PLEKHO2: variants seen among roughly 807,000 people sequenced by gnomAD.
PLEKHO2 encodes the protein pleckstrin homology domain containing O2.
In PLEKHO2, 20 loss-of-function variants were observed where a neutral mutation model predicts 32.7. The observed-to-expected ratio is 0.61, with a 90% confidence interval of 0.43 to 0.89. The LOEUF (loss-of-function observed/expected upper bound fraction) is 0.89, where lower values mean the gene tolerates loss of function less well. Ranked by LOEUF, PLEKHO2 falls within the 40% of genes least tolerant of loss-of-function variation. The probability of loss-of-function intolerance (pLI) is 0.00; values close to 1 mark genes in which losing one functional copy is unlikely to be tolerated. For synonymous variants in PLEKHO2, 247 were observed against 246.3 expected (o/e 1.00, Z -0.03); for missense variants, 568 against 621.2 (o/e 0.91, Z 0.91).
intron 1 of PLEKHO2, among the ~76,000 whole-genome samples, chr15:64,843,943 C>T (rs1467654785): frequency 6.6e-6 from 1 of 152,152 alleles, no homozygotes; most frequent in Non-Finnish European, 1.5e-5. Context: ...CATCTAAGTT[C>T]TTGTCCACTT....
In PLEKHO2 at chr15:64,866,967, T is replaced by C. The variant is rs2084693817; in HGVS notation, c.*1079T>C. On this transcript the variant is annotated 3_prime_UTR_variant, in exon 6 of 6. Coordinates refer to ENST00000323544, the MANE Select transcript of PLEKHO2 (RefSeq NM_025201.5). ...GTAACTTTCTAGGAGAAGAGACATT[T>C]TCTTCTTTCCCTTTCCTGGTCCATC... is the stretch of plus-strand genomic sequence containing the variant. 1 of 152,940 alleles carries C rather than the reference T, an allele frequency of 6.5e-6. No homozygotes were observed. 9.5% of individuals were successfully genotyped at this position (152,940 alleles called of 1,614,324 possible). A position where few individuals can be genotyped will look rare whatever the true frequency, so the allele number is the denominator to read the frequency against.
In PLEKHO2 at chr15:64,866,261, C is replaced by T. The variant is rs2084686266; in HGVS notation, c.*373C>T. On this transcript the variant is annotated 3_prime_UTR_variant, in exon 6 of 6. Transcript: ENST00000323544. ...TCTGTTCCCCATCCCCAGTAGTTTA[C>T]ATTCCTGACTTCTGAATACAGCACA... is the stretch of plus-strand genomic sequence containing the variant. 2 of 456,796 alleles carry T rather than the reference C, an allele frequency of 4.4e-6. No homozygotes were observed. The highest frequency in any genetic ancestry group is 2.5e-5 in the Admixed American group (1 of 40,006). The allele number at this position is 456,796 out of a possible 1,614,324, so 28.3% of individuals were successfully genotyped here.
In PLEKHO2 at chr15:64,866,190, C is replaced by T. The variant is rs1375756097; in HGVS notation, c.*302C>T. On this transcript the variant is annotated 3_prime_UTR_variant, in exon 6 of 6. Transcript: ENST00000323544. ...TTTGTGTGGTCGTTCCAAACTGCCCCAGGGCTTTGGGGGCGGCACTTGGGG... is the reference window on the plus strand; with the variant it reads ...TTTGTGTGGTCGTTCCAAACTGCCCTAGGGCTTTGGGGGCGGCACTTGGGG... 2.0e-6 allele frequency: 1 copy of T among 507,692 alleles called. No homozygotes were observed. Among genetic ancestry groups the T allele is most frequent in the East Asian group, 3.9e-5 (1 of 25,902 alleles). 31.4% of individuals were successfully genotyped at this position (507,692 alleles called of 1,614,324 possible). A position where few individuals can be genotyped will look rare whatever the true frequency, so the allele number is the denominator to read the frequency against.
chr15:64,842,095 G>A (rs2084488189), intron 1 of PLEKHO2, 67 bp downstream of exon 1: 3 of 1,212,370 alleles, frequency 2.5e-6, no homozygotes, highest in African/African-American at 3.1e-5. Context: ...TTGCGGTCCT[G>A]GGCTCAGGCC....
In PLEKHO2 at chr15:64,865,631, A is replaced by T; in HGVS notation, c.1216A>T (p.Arg406Trp). The change falls in exon 6 of 6, where the codon AGG becomes TGG. Residue 406 changes from arginine (R) to tryptophan (W), a missense_variant. Physicochemically the swap from Arg to Trp is moderately radical, Grantham distance 101. Transcript: ENST00000323544. ...AGGCCCGCGGCATCCCTTGCAGCCC[A>T]GGGAACGGCTATATCGGGCCCAGCT... is the stretch of plus-strand genomic sequence containing the variant. ...GEGPRHPLQP[R>W]ERLYRAQLEV... is the part of the protein sequence containing the mutation. 6.2e-7 allele frequency: 1 copy of T among 1,614,268 alleles called. No homozygotes were observed. Among genetic ancestry groups the T allele is most frequent in the South Asian group, 1.1e-5 (1 of 91,088 alleles).
intron 1 of PLEKHO2, among the ~76,000 whole-genome samples, chr15:64,844,948 C>G (rs1449645656): frequency 1.3e-5 from 2 of 152,238 alleles, no homozygotes; most frequent in East Asian, 3.9e-4. Context: ...TATACAGCGT[C>G]TCTGTTACCC....
At chr15:64,859,742 C>G in intron 3 of PLEKHO2, 152 bp from the exon 4 acceptor site, 1 of 685,606 alleles carries the variant, frequency 1.5e-6, no homozygotes, top group East Asian at 2.5e-5. Flanking sequence ...TCTGTGAGAT[C>G]TTTCCCTTTC....
Position 64,865,162 on chromosome 15 carries a change from G to A in PLEKHO2, c.747G>A (p.Glu249=), listed in dbSNP as rs2084672489. ...EVSPESQEDS[E]TPAEEDSGSE... ...CCCCTGAGAGCCAAGAGGACTCAGA[G>A]ACCCCAGCAGAGGAGGACAGTGGCT... The change falls in exon 6 of 6, where the codon GAG becomes GAA. Residue 249 remains glutamate, a synonymous_variant. Transcript: ENST00000323544. 8.1e-6 allele frequency: 13 copies of A among 1,614,156 alleles called. No homozygotes were observed. The East Asian group carries it at 2.0e-4, about 25-fold the overall frequency.
rs762834714 is a variant in PLEKHO2 at position 64,848,609 on chromosome 15, G to A, written c.29G>A (p.Gly10Asp). 2.5e-6 allele frequency: 4 copies of A among 1,614,052 alleles called. No individual in the cohort carries two copies. The South Asian group carries it at 3.3e-5, about 13-fold the overall frequency. The change falls in exon 2 of 6, where the codon GGT (glycine) becomes GAT (aspartate). Residue 10 changes from glycine (G) to aspartate (D), a missense_variant. Coordinates refer to ENST00000323544, the MANE Select transcript of PLEKHO2 (RefSeq NM_025201.5). ...GTGTTACAGGGTGTGAAGGAAGCCG[G>A]TGAGAAGCCTCGGGGAGCACAGATG... MEEEGVKEA[G>D]EKPRGAQMVD...
At chr15:64,853,469 T>A (rs1249617356) in intron 2 of PLEKHO2, among the ~76,000 whole-genome samples, 2 of 151,174 alleles carry the variant, frequency 1.3e-5, no homozygotes, top group African/African-American at 4.9e-5. Context: ...TTTTTTGTAT[T>A]TTTTTTAGTA....
At position 64,865,265 on chromosome 15, in the gene PLEKHO2, G is replaced by C; in HGVS notation, c.850G>C (p.Ala284Pro). ...WENPSPQEAP[A>P]AESAEPSQAP... The stretch of plus-strand genomic sequence containing the variant: ...GAACCCCAGCCCCCAGGAGGCCCCT[G>C]CTGCAGAGAGTGCAGAACCGTCCCA... The change falls in exon 6 of 6, where the codon GCT becomes CCT. Residue 284 changes from alanine (A) to proline (P), a missense_variant. By Grantham distance (27) the Ala-to-Pro change is conservative (BLOSUM62 -1). Coordinates refer to ENST00000323544, the MANE Select transcript of PLEKHO2 (RefSeq NM_025201.5). 1 of 1,614,008 alleles carries C rather than the reference G, an allele frequency of 6.2e-7. No homozygotes were observed.
intron 5 of PLEKHO2, among the ~76,000 whole-genome samples, chr15:64,863,741 G>GA (rs2084661031): frequency 1.9e-5 from 2 of 102,708 alleles, no homozygotes; most frequent in East Asian, 4.1e-4. Flanking sequence ...GACAGTGCGA[G>GA]ACCCCCTTTT....
At chr15:64,852,782 A>G (rs2084577984) in intron 2 of PLEKHO2, among the ~76,000 whole-genome samples, 2 of 151,818 alleles carry the variant, frequency 1.3e-5, no homozygotes. Context: ...CACCATGCCC[A>G]GCTAATTTTT....
rs1287162739 is a variant in PLEKHO2, at chr15:64,865,859, G to T, written c.1444G>T (p.Val482Leu). ...PGLREKRKELVTLYRRSAP is the reference protein window; with the variant it reads ...PGLREKRKELLTLYRRSAP ...GCTAAGGGAGAAGCGGAAGGAGCTG[G>T]TGACCCTCTACAGGAGAAGTGCACC... is the stretch of plus-strand genomic sequence containing the variant. Residue 482 changes from valine (V) to leucine (L), a missense_variant, in exon 6 of 6, where the codon GTG becomes TTG. By Grantham distance (32) the Val-to-Leu change is conservative. Coordinates refer to ENST00000323544, the MANE Select transcript of PLEKHO2 (RefSeq NM_025201.5). 6.2e-7 allele frequency: 1 copy of T among 1,609,070 alleles called. No individual in the cohort carries two copies. The highest frequency in any genetic ancestry group is 1.1e-5 in the South Asian group (1 of 91,076).
rs774321420 is a variant in PLEKHO2 at position 64,865,287 on chromosome 15, C to T, written c.872C>T (p.Ser291Phe). ...CCTGCTGCAGAGAGTGCAGAACCGT[C>T]CCAGGCACCCTGTTCTGAGACTTCT... ...EAPAAESAEPSQAPCSETSEA... is the reference protein window; with the variant it reads ...EAPAAESAEPFQAPCSETSEA... The change falls in exon 6 of 6, where the codon TCC (serine) becomes TTC (phenylalanine). Residue 291 changes from serine to phenylalanine, a missense_variant. Coordinates refer to ENST00000323544, the MANE Select transcript of PLEKHO2 (RefSeq NM_025201.5). 1.2e-6 allele frequency: 2 copies of T among 1,613,852 alleles called. No homozygotes were observed. Among genetic ancestry groups the T allele is most frequent in the South Asian group, 1.1e-5 (1 of 91,066 alleles).
intron 4 of PLEKHO2, among the ~76,000 whole-genome samples, chr15:64,861,040 ACTCAAGGG>A: frequency 6.6e-6 from 1 of 152,290 alleles, no homozygotes; most frequent in South Asian, 2.1e-4. Context: ...AGGCTCCCAG[ACTCAAGGG>A]GCAGAGGCCC....
Position 64,860,015 on chromosome 15 carries a change from G to C in PLEKHO2, c.384+17G>C, listed in dbSNP as rs758636375. 12 of 1,605,670 alleles carry C rather than the reference G, an allele frequency of 7.5e-6. No individual in the cohort carries two copies. The highest frequency in any genetic ancestry group is 1.0e-5 in the Non-Finnish European group (12 of 1,172,472). On this transcript the variant is annotated intron_variant, in intron 4 of 5. Coordinates refer to ENST00000323544, the MANE Select transcript of PLEKHO2 (RefSeq NM_025201.5). Reference sequence around the variant, plus strand: ...TTCGATGAGGTGCGATGCAGTCTGTGGACATGGACAGCTCTGTGTCTCCTT... The same window carrying C: ...TTCGATGAGGTGCGATGCAGTCTGTCGACATGGACAGCTCTGTGTCTCCTT...
At chr15:64,864,213 C>G (rs2084665544) in intron 5 of PLEKHO2, among the ~76,000 whole-genome samples, 1 of 152,070 alleles carries the variant, frequency 6.6e-6, no homozygotes, top group Non-Finnish European at 1.5e-5. Flanking sequence ...CCTATTGGTC[C>G]CTGGAGCCTG....
intron 2 of PLEKHO2, among the ~76,000 whole-genome samples, chr15:64,849,241 T>C (rs2084547425): frequency 6.6e-6 from 1 of 151,724 alleles, no homozygotes; most frequent in South Asian, 2.1e-4. Flanking sequence ...TCCTGGGTCC[T>C]GGTTCAAGCA....
Sources: allele counts gnomAD v4.1 joint callset (sites outside exome capture counted in the v4.1 genomes callset), GRCh38; gene constraint gnomAD v4.1.1; transcripts MANE v1.5; gene names NCBI Gene and HGNC (gene_info 2026-07-23, HGNC 2026-07-21).